STAG1: variants seen among roughly 807,000 people sequenced by gnomAD.
The protein encoded by STAG1 is cohesin subunit SA-1.
A neutral mutation model predicts 170.9 loss-of-function variants in STAG1; 26 were observed. The ratio of observed to expected loss-of-function variants is 0.15; its 90% CI spans 0.11 to 0.21. STAG1 has a LOEUF of 0.21. STAG1 is among the 10% of genes least tolerant of loss of function. STAG1 has a pLI of 1.00. For missense variants in STAG1, 964 were observed against 1,509.5 expected (o/e 0.64, Z 5.99); for synonymous variants, 514 against 497.7 (o/e 1.03, Z -0.44).
intron 1 of STAG1, among the ~76,000 whole-genome samples, chr3:136,676,700 TA>T (rs1414174027): frequency 6.6e-6 from 1 of 152,156 alleles, no homozygotes; most frequent in Non-Finnish European, 1.5e-5. Context: ...TTTTCCGAAC[TA>T]AGCCTCCCAA....
chr3:136,532,077 A>T (rs968014151), intron 6 of STAG1, among the ~76,000 whole-genome samples: 3 of 152,146 alleles, frequency 2.0e-5, no homozygotes, highest in Non-Finnish European at 4.4e-5. Context: ...GGATCAATAA[A>T]ATGAAAAGAT....
chr3:136,684,548 G>C (rs1942447156), intron 1 of STAG1, among the ~76,000 whole-genome samples: 1 of 152,152 alleles, frequency 6.6e-6, no homozygotes, highest in African/African-American at 2.4e-5. Flanking sequence ...TCCAAAGTTC[G>C]AGACCAGCCT....
chr3:136,407,117 C>T (rs2087506206), intron 21 of STAG1, among the ~76,000 whole-genome samples: 1 of 152,198 alleles, frequency 6.6e-6, no homozygotes, highest in Non-Finnish European at 1.5e-5. Context: ...ACCTCGGCCT[C>T]TGGGGTTCAA....
intron 9 of STAG1, among the ~76,000 whole-genome samples, chr3:136,497,169 T>C (rs1019171903): frequency 3.9e-5 from 6 of 151,908 alleles, no homozygotes; most frequent in Non-Finnish European, 8.8e-5. Flanking sequence ...GAAGAAGAAA[T>C]AATACCAGTT....
At chr3:136,463,767 G>GTGTGTGTGTGTA (rs1375220735) in intron 13 of STAG1, among the ~76,000 whole-genome samples, 106 of 58,756 alleles carry the variant, frequency 1.8e-3, no homozygotes, top group African/African-American at 4.1e-3. Context: ...GTGTGTGTGT[G>GTGTGTGTGTGTA]TATACACACA....
intron 5 of STAG1, among the ~76,000 whole-genome samples, chr3:136,558,150 G>A (rs1400011735): frequency 6.6e-6 from 1 of 152,176 alleles, no homozygotes; most frequent in Non-Finnish European, 1.5e-5. Context: ...CCAGCACTTT[G>A]AGAGCCCAAG....
At chr3:136,463,986 G>A (rs1040510933) in intron 13 of STAG1, among the ~76,000 whole-genome samples, 63 of 149,890 alleles carry the variant, frequency 4.2e-4, no homozygotes, top group African/African-American at 1.4e-3. Context: ...AGTAAATCAC[G>A]CTAAAACATG....
chr3:136,369,624 C>T (rs1179395468), intron 23 of STAG1, among the ~76,000 whole-genome samples: 1 of 151,860 alleles, frequency 6.6e-6, no homozygotes, highest in Non-Finnish European at 1.5e-5. Context: ...TGAGTTTAAC[C>T]CAACTTTGCA....
intron 9 of STAG1, among the ~76,000 whole-genome samples, chr3:136,498,257 C>CACACACACACACATATACAT (rs1933252217): frequency 1.2e-5 from 1 of 83,676 alleles, no homozygotes; most frequent in African/African-American, 6.3e-5. Flanking sequence ...CATACACACA[C>CACACACACACACATATACAT]ACACACACAC....
At chr3:136,495,970 C>CAAAAA (rs35882097) in intron 9 of STAG1, among the ~76,000 whole-genome samples, 1 of 64,126 alleles carries the variant, frequency 1.6e-5, no homozygotes, top group Non-Finnish European at 2.8e-5. Flanking sequence ...GACTCCGTCT[C>CAAAAA]AAAAAAAAAA....
At chr3:136,440,570 T>A (rs1214459176) in intron 15 of STAG1, among the ~76,000 whole-genome samples, 1 of 151,788 alleles carries the variant, frequency 6.6e-6, no homozygotes, top group African/African-American at 2.4e-5. Flanking sequence ...ACAAACAAGG[T>A]AAGGAAAATG....
intron 15 of STAG1, among the ~76,000 whole-genome samples, chr3:136,438,240 C>CTTTTTTT (rs371190637): frequency 1.2e-4 from 15 of 128,172 alleles, no homozygotes; most frequent in Non-Finnish European, 1.6e-4. Flanking sequence ...AGTTTCTTTT[C>CTTTTTTT]TTTTTTTTTT....
intron 1 of STAG1, among the ~76,000 whole-genome samples, chr3:136,715,420 A>G (rs1199126294): frequency 6.6e-6 from 1 of 151,756 alleles, no homozygotes. Context: ...GGACATGGAG[A>G]TCACCCTGGC....
rs369524693 is a variant in STAG1, at chr3:136,474,489, A to G, written c.1027-852T>C. On this transcript the variant is annotated intron_variant, in intron 10 of 33. Coordinates refer to ENST00000383202, the MANE Select transcript of STAG1 (RefSeq NM_005862.3). ...GAGATATGCTGGTAAAAGTTTTAAC[A>G]AAGAGCTCTGAGGAATAGGGTTCTG... Among the ~76,000 whole-genome samples the G allele has an allele frequency of 4.9e-4, 74 of 152,356 alleles. 2 individuals are homozygous for G. The South Asian group carries it at 0.014, about 29-fold the overall frequency.
chr3:136,498,835 C>T (rs1319556776), intron 9 of STAG1, among the ~76,000 whole-genome samples: 4 of 152,224 alleles, frequency 2.6e-5, no homozygotes, highest in Admixed American at 1.3e-4. Flanking sequence ...CCACACTGAA[C>T]ATAAAAGCCC....
At chr3:136,725,882 G>C (rs1357644741) in intron 1 of STAG1, among the ~76,000 whole-genome samples, 1 of 152,090 alleles carries the variant, frequency 6.6e-6, no homozygotes, top group African/African-American at 2.4e-5. Flanking sequence ...CCCTACTTTA[G>C]GACTGTATCA....
intron 4 of STAG1, among the ~76,000 whole-genome samples, chr3:136,594,798 C>G (rs935010040): frequency 3.3e-5 from 5 of 152,120 alleles, no homozygotes; most frequent in Non-Finnish European, 5.9e-5. Context: ...GAGACAGAGT[C>G]TCACTCCCGT....
intron 13 of STAG1, among the ~76,000 whole-genome samples, chr3:136,452,433 G>A (rs1014666151): frequency 6.6e-6 from 1 of 151,614 alleles, no homozygotes; most frequent in South Asian, 2.1e-4. Context: ...GCATGGTGGC[G>A]GGCACCTGTA....
At chr3:136,566,443 A>C (rs566891852) in intron 5 of STAG1, among the ~76,000 whole-genome samples, 48 of 152,352 alleles carry the variant, frequency 3.2e-4, no homozygotes, top group African/African-American at 1.1e-3. Context: ...CACCCAGTCT[A>C]TGGTATTGTT....
Sources: allele counts gnomAD v4.1 joint callset (sites outside exome capture counted in the v4.1 genomes callset), GRCh38; gene constraint gnomAD v4.1.1; transcripts MANE v1.5; gene names NCBI Gene and HGNC (gene_info 2026-07-23, HGNC 2026-07-21).